The following PTPRT variants were observed in gnomAD, a reference collection of about 807,000 sequenced individuals.
PTPRT encodes protein tyrosine phosphatase receptor type T, also known as receptor-type tyrosine-protein phosphatase T.
A neutral mutation model predicts 176.8 loss-of-function variants in PTPRT; 56 were observed. The ratio of observed to expected loss-of-function variants is 0.32; its 90% CI spans 0.26 to 0.40. The LOEUF is 0.40. Among genes scored for constraint, PTPRT ranks in the 10% least tolerant of loss-of-function variants. The pLI, the probability that PTPRT is intolerant of heterozygous loss-of-function variation, is 1.00. For synonymous variants in PTPRT, 783 were observed against 739.0 expected, an observed-to-expected ratio of 1.06 and a Z score of -0.96; for missense variants, 1,540 against 1,908.2, an observed-to-expected ratio of 0.81 and a Z score of 3.60.
chr20:42,711,089 A>C (rs2076137763), intron 6 of PTPRT, among the ~76,000 whole-genome samples: 1 of 152,212 alleles, frequency 6.6e-6, no homozygotes. Context: ...CTTTGAAATA[A>C]ATAACTTGTT....
intron 1 of PTPRT, among the ~76,000 whole-genome samples, chr20:43,119,603 A>G (rs1320551993): frequency 1.3e-5 from 2 of 152,232 alleles, no homozygotes; most frequent in African/African-American, 4.8e-5. Flanking sequence ...CCCAAGGAGC[A>G]CAGATACACC....
chr20:42,309,642 G>A (rs1385917158), intron 12 of PTPRT, among the ~76,000 whole-genome samples: 1 of 152,160 alleles, frequency 6.6e-6, no homozygotes, highest in Non-Finnish European at 1.5e-5. Flanking sequence ...AACAGACTGT[G>A]TGAAGTATAT....
chr20:42,317,622 T>G (rs1050081424), intron 11 of PTPRT, among the ~76,000 whole-genome samples: 2 of 152,072 alleles, frequency 1.3e-5, no homozygotes, highest in African/African-American at 4.8e-5. Flanking sequence ...AATCAGACTA[T>G]CCATCTAAAG....
chr20:42,551,045 T>G (rs1266684946), intron 7 of PTPRT, among the ~76,000 whole-genome samples: 1 of 152,150 alleles, frequency 6.6e-6, no homozygotes, highest in African/African-American at 2.4e-5. Context: ...GTGTATAAAT[T>G]GGGGTAATGA....
Position 42,896,213 on chromosome 20 carries a change from A to T in PTPRT, c.89-10281T>A, listed in dbSNP as rs186169314. ...GCGTCAGATCAGGGACTGAGCCAAG[A>T]CTCCAATCATGGGTTTGTTTCTTGG... On this transcript the variant is annotated intron_variant, in intron 1 of 30. Coordinates refer to ENST00000373187, the MANE Select transcript of PTPRT (RefSeq NM_007050.6). Among the ~76,000 whole-genome samples the T allele has an allele frequency of 2.6e-3, 400 of 152,176 alleles. 1 individual carries two copies. Among genetic ancestry groups the T allele is most frequent in the African/African-American group, 9.2e-3 (380 of 41,502 alleles).
chr20:42,574,096 T>C (rs953882525), intron 7 of PTPRT, among the ~76,000 whole-genome samples: 5 of 152,082 alleles, frequency 3.3e-5, no homozygotes, highest in Admixed American at 2.6e-4. Context: ...GGCTCCCAAG[T>C]TGGAGAAGCA....
At chr20:42,715,763 T>C (rs886244247) in intron 6 of PTPRT, among the ~76,000 whole-genome samples, 2 of 152,216 alleles carry the variant, frequency 1.3e-5, no homozygotes, top group Admixed American at 1.3e-4. Flanking sequence ...TCCAATTAAG[T>C]GGTAGATTCT....
intron 8 of PTPRT, among the ~76,000 whole-genome samples, chr20:42,463,453 G>C (rs1486012145): frequency 6.6e-6 from 1 of 152,084 alleles, no homozygotes; most frequent in East Asian, 1.9e-4. Context: ...TGTGCTTCTT[G>C]TCAGTGGGTT....
intron 16 of PTPRT, among the ~76,000 whole-genome samples, chr20:42,169,205 T>A (rs947528954): frequency 2.0e-5 from 3 of 152,176 alleles, no homozygotes; most frequent in African/African-American, 7.2e-5. Flanking sequence ...CTGGGGTCTT[T>A]GACATGGTAA....
intron 1 of PTPRT, among the ~76,000 whole-genome samples, chr20:42,932,048 T>G (rs961760428): frequency 2.0e-5 from 3 of 152,210 alleles, no homozygotes; most frequent in Non-Finnish European, 4.4e-5. Flanking sequence ...GGGCCTGGCT[T>G]GGGCGTGAGT....
At chr20:42,100,342 A>C (rs1985812214) in intron 26 of PTPRT, among the ~76,000 whole-genome samples, 1 of 152,242 alleles carries the variant, frequency 6.6e-6, no homozygotes, top group African/African-American at 2.4e-5. Context: ...AAACATTAAA[A>C]ATTAACCCAG....
At chr20:42,990,837 A>G (rs1026187362) in intron 1 of PTPRT, among the ~76,000 whole-genome samples, 2 of 152,232 alleles carry the variant, frequency 1.3e-5, no homozygotes, top group Non-Finnish European at 2.9e-5. Context: ...CACCTTAATG[A>G]AAAGGGGAGT....
chr20:42,340,142 G>A (rs1194647715), intron 11 of PTPRT, among the ~76,000 whole-genome samples: 1 of 152,172 alleles, frequency 6.6e-6, no homozygotes, highest in East Asian at 1.9e-4. Flanking sequence ...TTGAGATGTG[G>A]CTAATGCAAC....
chr20:43,168,030 G>A (rs566242409), intron 1 of PTPRT, among the ~76,000 whole-genome samples: 21 of 152,320 alleles, frequency 1.4e-4, no homozygotes, highest in Non-Finnish European at 2.8e-4. Context: ...AATTGGTCAC[G>A]CAGCAACAGT....
chr20:42,846,711 G>C (rs777496031), intron 2 of PTPRT, among the ~76,000 whole-genome samples: 17 of 152,180 alleles, frequency 1.1e-4, no homozygotes, highest in Non-Finnish European at 2.4e-4. Flanking sequence ...CAGGAGCTCT[G>C]GTTTCCCATG....
intron 1 of PTPRT, among the ~76,000 whole-genome samples, chr20:43,148,549 C>T (rs752407410): frequency 1.3e-4 from 20 of 152,190 alleles, no homozygotes; most frequent in African/African-American, 3.1e-4. Context: ...AATGATTCCA[C>T]GAGAAATCTC....
At chr20:42,570,960 G>A (rs1356422753) in intron 7 of PTPRT, among the ~76,000 whole-genome samples, 1 of 151,882 alleles carries the variant, frequency 6.6e-6, no homozygotes, top group Non-Finnish European at 1.5e-5. Flanking sequence ...ATCGGGGGTG[G>A]GGGTGGGTTA....
At chr20:43,114,590 G>A (rs768305795) in intron 1 of PTPRT, among the ~76,000 whole-genome samples, 2 of 152,282 alleles carry the variant, frequency 1.3e-5, no homozygotes, top group East Asian at 1.9e-4. Flanking sequence ...GACACTGCAA[G>A]GCCATTATCC....
At chr20:42,957,700 GT>G (rs1981723169) in intron 1 of PTPRT, among the ~76,000 whole-genome samples, 1 of 152,142 alleles carries the variant, frequency 6.6e-6, no homozygotes, top group South Asian at 2.1e-4. Context: ...AAACCTTCTA[GT>G]ACCTACTGTT....
Sources: gnomAD v4.1 joint callset for allele counts (sites outside exome capture counted in the v4.1 genomes callset) on GRCh38, gnomAD v4.1.1 for gene constraint, MANE v1.5 for transcripts, NCBI Gene and HGNC (gene_info 2026-07-23, HGNC 2026-07-21) for gene names.